The following APIP variants were observed in gnomAD, a reference collection of about 807,000 sequenced individuals.
APIP encodes APAF1 interacting protein.
In APIP, 32 loss-of-function variants were observed where a neutral mutation model predicts 32.0. That is an observed-to-expected ratio of 1.00 (90% CI 0.76 to 1.34). The LOEUF is 1.34. Among genes scored for constraint, APIP ranks in the 40% most tolerant of loss-of-function variants. APIP has a pLI of 0.00. For missense variants in APIP, 247 were observed against 298.6 expected (o/e 0.83, Z 1.27); for synonymous variants, 92 against 94.8 (o/e 0.97, Z 0.17).
intron 1 of APIP, among the ~76,000 whole-genome samples, chr11:34,915,500 G>A (rs1853657455): frequency 6.6e-6 from 1 of 152,166 alleles, no homozygotes; most frequent in African/African-American, 2.4e-5. Flanking sequence ...CTGCCTCTTA[G>A]GTGGGGTTTA....
intron 1 of APIP, among the ~76,000 whole-genome samples, chr11:34,898,703 C>A (rs1402177663): frequency 6.6e-6 from 1 of 151,598 alleles, no homozygotes; most frequent in Non-Finnish European, 1.5e-5. Context: ...GCGTCTCTCT[C>A]TCTGCCCTTG....
At chr11:34,899,415 G>A (rs778324959) in intron 1 of APIP, among the ~76,000 whole-genome samples, 1 of 152,108 alleles carries the variant, frequency 6.6e-6, no homozygotes, top group Non-Finnish European at 1.5e-5. Flanking sequence ...TGGTTCCTAC[G>A]TTCCTTTAAG....
intron 5 of APIP, among the ~76,000 whole-genome samples, chr11:34,886,563 TA>T (rs1280608756): frequency 1.3e-5 from 2 of 152,232 alleles, no homozygotes; most frequent in Non-Finnish European, 1.5e-5. Context: ...TATAGTAGTG[TA>T]ATGTCCTAGG....
At chr11:34,884,958 A>G (rs1408249369) in intron 5 of APIP, among the ~76,000 whole-genome samples, 1 of 151,918 alleles carries the variant, frequency 6.6e-6, no homozygotes, top group Non-Finnish European at 1.5e-5. Flanking sequence ...TAAATGAGAA[A>G]GAGAGCCAGG....
At chr11:34,913,690 G>A (rs184854403) in intron 1 of APIP, among the ~76,000 whole-genome samples, 90 of 152,286 alleles carry the variant, frequency 5.9e-4, no homozygotes, top group African/African-American at 2.1e-3. Context: ...GACCGAGGGG[G>A]GTTGCCGCTG....
intron 1 of APIP, among the ~76,000 whole-genome samples, chr11:34,906,487 G>A (rs547219038): frequency 2.0e-5 from 3 of 152,106 alleles, no homozygotes; most frequent in African/African-American, 4.8e-5. Flanking sequence ...TCTGGATTAC[G>A]GGCTTCCCTC....
At chr11:34,911,596 A>G (rs1853551818) in intron 1 of APIP, among the ~76,000 whole-genome samples, 1 of 152,234 alleles carries the variant, frequency 6.6e-6, no homozygotes, top group Admixed American at 6.5e-5. Flanking sequence ...TTTTAAAATC[A>G]AGAGATTTCA....
intron 1 of APIP, among the ~76,000 whole-genome samples, chr11:34,904,782 T>G (rs1185630734): frequency 6.6e-6 from 1 of 152,112 alleles, no homozygotes; most frequent in Admixed American, 6.5e-5. Flanking sequence ...AGGAATCGAC[T>G]CCTGGATACA....
chr11:34,888,186 C>G, intron 5 of APIP, 107 bp downstream of exon 5: 1 of 1,089,006 alleles, frequency 9.2e-7, no homozygotes, highest in South Asian at 1.9e-5. Context: ...TTATTTAACA[C>G]AGATCCCACG....
chr11:34,891,089 G>C (rs1853178698), intron 2 of APIP, among the ~76,000 whole-genome samples: 1 of 152,076 alleles, frequency 6.6e-6, no homozygotes, highest in African/African-American at 2.4e-5. Context: ...TTTTTGGATA[G>C]AATCACATGC....
intron 1 of APIP, among the ~76,000 whole-genome samples, chr11:34,914,604 G>A (rs1340107094): frequency 6.6e-6 from 1 of 152,124 alleles, no homozygotes; most frequent in Admixed American, 6.6e-5. Context: ...CTCTGTAAAG[G>A]TGGTGTTCAC....
chr11:34,901,484 G>C (rs548323071), intron 1 of APIP, among the ~76,000 whole-genome samples: 2 of 152,230 alleles, frequency 1.3e-5, no homozygotes, highest in East Asian at 3.9e-4. Flanking sequence ...AGGAAGGAAG[G>C]AAGGTAGATC....
At chr11:34,894,575 G>A (rs1853237254) in intron 2 of APIP, among the ~76,000 whole-genome samples, 1 of 151,994 alleles carries the variant, frequency 6.6e-6, no homozygotes, top group African/African-American at 2.4e-5. Flanking sequence ...TTTAAGCCTG[G>A]GAAGTCAAGG....
chr11:34,890,529 G>GA lies in APIP; in HGVS notation c.181dup (p.Ser61PhefsTer11). The stretch of plus-strand genomic sequence containing the variant: ...CTGAATTCGTTCCTTTTGCACTCCT[G>GA]AAGGAGCAATGTAGATTTCATCGCT... On this transcript the variant is annotated frameshift_variant, in exon 3 of 7. Coordinates refer to ENST00000395787, the MANE Select transcript of APIP (RefSeq NM_015957.4). LOFTEE classifies it high-confidence loss of function. 1.2e-6 allele frequency: 2 copies of GA among 1,610,156 alleles called. No homozygotes were observed. Among genetic ancestry groups the GA allele is most frequent in the Non-Finnish European group, 1.7e-6 (2 of 1,177,946 alleles).
chr11:34,896,744 A>ACAG (rs34774694), intron 1 of APIP: 2 of 1,254,664 alleles, frequency 1.6e-6, no homozygotes, highest in Non-Finnish European at 2.1e-6. Context: ...AACAACAACA[A>ACAG]AGGAAAATGA....
chr11:34,902,898 A>C (rs941542313), intron 1 of APIP, among the ~76,000 whole-genome samples: 3 of 152,232 alleles, frequency 2.0e-5, no homozygotes, highest in African/African-American at 7.2e-5. Flanking sequence ...TGGTGGCTAA[A>C]GGATGGCCAG....
intron 1 of APIP, among the ~76,000 whole-genome samples, chr11:34,904,328 A>G (rs1853410535): frequency 6.6e-6 from 1 of 152,236 alleles, no homozygotes; most frequent in Non-Finnish European, 1.5e-5. Flanking sequence ...GGCATAGAAT[A>G]TCATCTCCAT....
chr11:34,911,139 T>C (rs1437143068), intron 1 of APIP, among the ~76,000 whole-genome samples: 1 of 151,644 alleles, frequency 6.6e-6, no homozygotes, highest in African/African-American at 2.4e-5. Context: ...AAAAAGTGTA[T>C]GGTAAAAGGG....
chr11:34,891,440 T>A (rs1052281477), intron 2 of APIP, among the ~76,000 whole-genome samples: 2 of 152,146 alleles, frequency 1.3e-5, no homozygotes, highest in African/African-American at 4.8e-5. Flanking sequence ...ACTGCATATA[T>A]GCAAACCAAG....
Sources: gnomAD v4.1 joint callset for allele counts (sites outside exome capture counted in the v4.1 genomes callset) on GRCh38, gnomAD v4.1.1 for gene constraint, MANE v1.5 for transcripts, NCBI Gene and HGNC (gene_info 2026-07-23, HGNC 2026-07-21) for gene names.